The following TIAM1 variants were observed in gnomAD, a reference collection of about 807,000 sequenced individuals.
TIAM1 encodes TIAM Rac1 associated GEF 1.
TIAM1 carries 65 observed loss-of-function variants against 163.5 expected under a neutral mutation model. The observed-to-expected ratio is 0.40, with a 90% CI of 0.33 to 0.49. The LOEUF is 0.49. Ranked by LOEUF, TIAM1 falls within the 20% of genes least tolerant of loss-of-function variation. The pLI is 0.77. For synonymous variants in TIAM1, 833 were observed against 810.1 expected, an observed-to-expected ratio of 1.03 and a Z score of -0.48; for missense variants, 1,789 against 2,044.7, an observed-to-expected ratio of 0.87 and a Z score of 2.41.
At chr21:31,282,051 C>G (rs906243937) in intron 2 of TIAM1, among the ~76,000 whole-genome samples, 1 of 152,158 alleles carries the variant, frequency 6.6e-6, no homozygotes, top group African/African-American at 2.4e-5. Context: ...ATGAGGGTAA[C>G]CATGAATATC....
Position 31,182,640 on chromosome 21 carries a change from T to G in TIAM1, c.2668A>C (p.Lys890Gln), listed in dbSNP as rs747854305. ...ATCTCAAGAATCTCATCTCCTGCTT[T>G]CAGGCCTGCCAACGCAAGATGGAAA... The part of the protein sequence containing the change: ...ETGLASKKGL[K>Q]AGDEILEINN... The change falls in exon 15 of 28, where the codon AAA (lysine) becomes CAA (glutamine). Residue 890 changes from lysine to glutamine, a missense_variant. Lys to Gln is a moderately conservative substitution (Grantham distance 53, BLOSUM62 1). Around this residue, in one of 5 missense-constraint regions of TIAM1, gnomAD observed 303 missense variants for 321.3 expected, o/e 0.94. Transcript: ENST00000541036. 4.3e-6 allele frequency: 7 copies of G among 1,610,368 alleles called. No homozygotes were observed. The African/African-American group carries it at 8.0e-5, about 18-fold the overall frequency.
At chr21:31,179,709 C>T (rs568899186) in intron 15 of TIAM1, among the ~76,000 whole-genome samples, 1 of 152,096 alleles carries the variant, frequency 6.6e-6, no homozygotes, top group African/African-American at 2.4e-5. Context: ...TTTAAAACTC[C>T]ACCACACAAA....
intron 26 of TIAM1, among the ~76,000 whole-genome samples, chr21:31,126,676 T>G (rs761250694): frequency 2.5e-4 from 38 of 152,228 alleles, no homozygotes; most frequent in Non-Finnish European, 4.3e-4. Context: ...TCTTGTATTT[T>G]TAGAAAAATA....
At chr21:31,231,092 A>G (rs1019726419) in intron 6 of TIAM1, among the ~76,000 whole-genome samples, 1 of 151,920 alleles carries the variant, frequency 6.6e-6, no homozygotes, top group Non-Finnish European at 1.5e-5. Flanking sequence ...GCTCAACAAA[A>G]GCCTGATTCG....
intron 2 of TIAM1, among the ~76,000 whole-genome samples, chr21:31,312,897 G>A (rs764378467): frequency 7.2e-5 from 11 of 152,226 alleles, no homozygotes; most frequent in Non-Finnish European, 1.5e-4. Flanking sequence ...GCGAATGAAA[G>A]AGGTTAGGTT....
rs112473651 is a variant in TIAM1, at chr21:31,153,426, C to T, written c.3172-292G>A. Among the ~76,000 whole-genome samples, 676 of 152,218 alleles carry T rather than the reference C, an allele frequency of 4.4e-3. 4 individuals are homozygous for T. The highest frequency in any genetic ancestry group is 0.015 in the African/African-American group (629 of 41,554). Reference sequence around the variant, plus strand: ...CATAGACAATATGTCAAGGAATGAGCGTGGCTGTGTTCTCATCAAACTTTA... The same window carrying T: ...CATAGACAATATGTCAAGGAATGAGTGTGGCTGTGTTCTCATCAAACTTTA... On this transcript the variant is annotated intron_variant, in intron 17 of 27. Coordinates refer to ENST00000541036, the MANE Select transcript of TIAM1 (RefSeq NM_001353694.2).
At chr21:31,440,306 T>TCA (rs2044372363) in intron 2 of TIAM1, among the ~76,000 whole-genome samples, 1 of 152,178 alleles carries the variant, frequency 6.6e-6, no homozygotes, top group Non-Finnish European at 1.5e-5. Context: ...CCTTATAATT[T>TCA]CAGTGTGCTC....
At chr21:31,361,433 G>A (rs1312225607) in intron 2 of TIAM1, among the ~76,000 whole-genome samples, 1 of 152,128 alleles carries the variant, frequency 6.6e-6, no homozygotes, top group Non-Finnish European at 1.5e-5. Context: ...GGATGGGAGG[G>A]GAGGCTTTCT....
intron 2 of TIAM1, among the ~76,000 whole-genome samples, chr21:31,450,640 C>T (rs9975392): frequency 0.68 from 104,110 of 152,026 alleles, 36,359 homozygotes; most frequent in East Asian, 0.99. Flanking sequence ...AAGACATACC[C>T]GAGACTGAGT....
chr21:31,280,959 TA>T (rs1344287485), intron 2 of TIAM1, among the ~76,000 whole-genome samples: 1 of 149,642 alleles, frequency 6.7e-6, no homozygotes, highest in Non-Finnish European at 1.5e-5. Flanking sequence ...CTACAAAAAA[TA>T]AAAAAAATTA....
At chr21:31,289,945 C>T (rs1164642846) in intron 2 of TIAM1, among the ~76,000 whole-genome samples, 3 of 152,104 alleles carry the variant, frequency 2.0e-5, no homozygotes, top group Non-Finnish European at 4.4e-5. Context: ...TTGCCCTCTA[C>T]GAATCAATGA....
chr21:31,431,996 T>C (rs1295277387), intron 2 of TIAM1, among the ~76,000 whole-genome samples: 1 of 152,058 alleles, frequency 6.6e-6, no homozygotes, highest in Non-Finnish European at 1.5e-5. Context: ...TATGCAGAGT[T>C]ACATGCCATC....
intron 1 of TIAM1, among the ~76,000 whole-genome samples, chr21:31,484,590 T>C (rs1416045015): frequency 6.6e-6 from 1 of 152,200 alleles, no homozygotes. Flanking sequence ...AATCCTTTAG[T>C]AGTAAACCTA....
chr21:31,307,332 T>C (rs938716503), intron 2 of TIAM1, among the ~76,000 whole-genome samples: 114 of 152,264 alleles, frequency 7.5e-4, no homozygotes, highest in African/African-American at 2.4e-3. Flanking sequence ...TGCTCTGTCT[T>C]TTCATGCCAA....
At chr21:31,168,094 ATT>A (rs11307082) in intron 15 of TIAM1, among the ~76,000 whole-genome samples, 35 of 141,680 alleles carry the variant, frequency 2.5e-4, no homozygotes, top group African/African-American at 4.1e-4. Flanking sequence ...GATTCTTATT[ATT>A]TTTTTTTTTT....
Position 31,121,872 on chromosome 21 carries a change from C to T in TIAM1, c.4307-1035G>A, listed in dbSNP as rs1374583257. 7.9e-5 allele frequency among the ~76,000 whole-genome samples: 12 copies of T among 152,316 alleles called. No individual in the cohort carries two copies. The South Asian group carries it at 1.0e-3, about 13-fold the overall frequency. On this transcript the variant is annotated intron_variant, in intron 27 of 27. Transcript: ENST00000541036. Reference sequence around the variant, plus strand: ...ACAGGGAAGGCTTCTGCTTCTCCCTCGAGAGTGAAGCGGTTGTTGCATTAG... The same window carrying T: ...ACAGGGAAGGCTTCTGCTTCTCCCTTGAGAGTGAAGCGGTTGTTGCATTAG...
At chr21:31,186,920 G>C in intron 14 of TIAM1, 81 bp downstream of exon 14, 1 of 1,142,182 alleles carries the variant, frequency 8.8e-7, no homozygotes, top group Non-Finnish European at 1.3e-6. Context: ...AATCCTTTGG[G>C]CATATCTTTC....
At position 31,120,873 on chromosome 21, in the gene TIAM1, C is replaced by T; in HGVS notation, c.4307-36G>A. On this transcript the variant is annotated intron_variant, in intron 27 of 27. Coordinates refer to ENST00000541036, the MANE Select transcript of TIAM1 (RefSeq NM_001353694.2). The surrounding 1 kb of genome is among the most constrained non-coding windows in gnomAD (Gnocchi z 4.2). ...ACACAAAAATATAAAAATAAAACCC[C>T]CACATGCTTTACGTGAGATGAAAAT... 3 of 1,537,660 alleles carry T rather than the reference C, an allele frequency of 2.0e-6. No homozygotes were observed. Among genetic ancestry groups the T allele is most frequent in the Non-Finnish European group, 2.6e-6 (3 of 1,143,984 alleles).
Position 31,252,027 on chromosome 21 carries a change from C to G in TIAM1, c.1126G>C (p.Gly376Arg). ...VGSDSGSSSTGDAARQGVYEN... is the reference protein window; with the variant it reads ...VGSDSGSSSTRDAARQGVYEN... ...TACACCCCCTGACGAGCCGCATCCC[C>G]GGTGGAGCTGCTGCCGCTGTCGCTG... The change falls in exon 5 of 28, where the codon GGG (glycine) becomes CGG (arginine). Residue 376 changes from glycine to arginine, a missense_variant. Transcript: ENST00000541036. 2 of 1,614,086 alleles carry G rather than the reference C, an allele frequency of 1.2e-6. No individual in the cohort carries two copies. Among genetic ancestry groups the G allele is most frequent in the South Asian group, 2.2e-5 (2 of 91,080 alleles).
Sources: allele counts gnomAD v4.1 joint callset (sites outside exome capture counted in the v4.1 genomes callset), GRCh38; gene constraint gnomAD v4.1.1; regional missense constraint gnomAD v4.1.1; non-coding constraint Gnocchi (gnomAD v3.1); transcripts MANE v1.5; gene names NCBI Gene and HGNC (gene_info 2026-07-23, HGNC 2026-07-21).